FAM227B: variants seen among roughly 807,000 people sequenced by gnomAD.
FAM227B encodes family with sequence similarity 227 member B, also known as protein FAM227B.
FAM227B carries 88 observed loss-of-function variants against 73.8 expected under a neutral mutation model. That is an observed-to-expected ratio of 1.19 (90% CI 1.00 to 1.42). The LOEUF is 1.42. Ranked by LOEUF, FAM227B falls within the 40% of genes most tolerant of loss-of-function variation. The pLI is 0.00. For missense variants in FAM227B, 632 were observed against 590.9 expected (o/e 1.07, Z -0.72); for synonymous variants, 210 against 190.5 (o/e 1.10, Z -0.84).
At chr15:49,365,407 A>G (rs2044970805) in intron 13 of FAM227B, 1 of 1,075,394 alleles carries the variant, frequency 9.3e-7, no homozygotes, top group Non-Finnish European at 1.4e-6. Context: ...TCTAAACATC[A>G]ACTCTTCTAC....
At chr15:49,611,839 T>C (rs1157819511) in intron 2 of FAM227B, among the ~76,000 whole-genome samples, 1 of 152,156 alleles carries the variant, frequency 6.6e-6, no homozygotes, top group Non-Finnish European at 1.5e-5. Context: ...CATTCTTCCT[T>C]CTGCCCAGAA....
chr15:49,517,594 T>C (rs981097054), intron 10 of FAM227B, among the ~76,000 whole-genome samples: 1 of 152,156 alleles, frequency 6.6e-6, no homozygotes, highest in Non-Finnish European at 1.5e-5. Context: ...GAAAAATCTA[T>C]ACAAACATAT....
rs538796805 is a variant in FAM227B, at chr15:49,576,771, A to G, written c.516T>C (p.Tyr172=). The G allele has an allele frequency of 2.1e-5, 34 of 1,607,860 alleles. No homozygotes were observed. In the South Asian group the frequency reaches 3.0e-4, roughly 14 times the overall value. ...AATTATGGGCTTTTAAAATAAAAAG[A>G]TAAATTTGTTCAGCATCCAAATGTC... ...LPRHLDAEQI[Y]LFILKAHNFD... The change falls in exon 7 of 16, where the codon TAT becomes TAC. Residue 172 remains tyrosine, a synonymous_variant. Transcript: ENST00000299338.
At chr15:49,576,249 C>T (rs2075432462) in intron 7 of FAM227B, 2 of 152,654 alleles carry the variant, frequency 1.3e-5, no homozygotes, top group South Asian at 4.1e-4. Context: ...CCATCCCACC[C>T]TCATTTTAGC....
chr15:49,500,801 A>T (rs2058072744), intron 11 of FAM227B, among the ~76,000 whole-genome samples: 1 of 152,132 alleles, frequency 6.6e-6, no homozygotes, highest in African/African-American at 2.4e-5. Flanking sequence ...ATGGGGGCAG[A>T]TCCCTCAAGA....
intron 3 of FAM227B, among the ~76,000 whole-genome samples, chr15:49,591,568 C>G (rs1301061281): frequency 1.4e-5 from 2 of 148,090 alleles, no homozygotes; most frequent in African/African-American, 5.0e-5. Context: ...TCGCCACAAC[C>G]TCCGCCTCCA....
At chr15:49,430,625 GGCCTGCTTGC>G (rs2050524393) in intron 11 of FAM227B, among the ~76,000 whole-genome samples, 1 of 151,792 alleles carries the variant, frequency 6.6e-6, no homozygotes, top group African/African-American at 2.4e-5. Context: ...ATCTAGCAAG[GGCCTGCTTGC>G]TGTGTCATTC....
intron 13 of FAM227B, among the ~76,000 whole-genome samples, chr15:49,335,753 T>G (rs2039594856): frequency 6.6e-6 from 1 of 152,262 alleles, no homozygotes; most frequent in African/African-American, 2.4e-5. Context: ...ATAAATCCTG[T>G]AATTACCTTT....
intron 11 of FAM227B, among the ~76,000 whole-genome samples, chr15:49,493,172 T>A (rs1012755156): frequency 1.3e-5 from 2 of 152,022 alleles, no homozygotes; most frequent in African/African-American, 4.8e-5. Context: ...CCTATTTGTT[T>A]TTCTGTTCCA....
chr15:49,401,689 A>G (rs1257850429), intron 11 of FAM227B, among the ~76,000 whole-genome samples: 43 of 133,412 alleles, frequency 3.2e-4, no homozygotes, highest in African/African-American at 1.1e-3. Context: ...TGATGAGTTC[A>G]TGTCCTTTGT....
chr15:49,339,282 C>A (rs1442862362), intron 13 of FAM227B, among the ~76,000 whole-genome samples: 3 of 152,126 alleles, frequency 2.0e-5, no homozygotes, highest in Non-Finnish European at 4.4e-5. Context: ...GTACCTTTGG[C>A]CTTTGAAGTT....
chr15:49,489,861 T>A (rs1597539936), intron 11 of FAM227B, among the ~76,000 whole-genome samples: 1 of 4,316 alleles, frequency 2.3e-4, no homozygotes, highest in Non-Finnish European at 5.0e-4. Context: ...ATATATATTT[T>A]ATATATATAT....
intron 11 of FAM227B, among the ~76,000 whole-genome samples, chr15:49,390,517 C>T (rs1416510737): frequency 6.6e-6 from 1 of 152,076 alleles, no homozygotes; most frequent in Non-Finnish European, 1.5e-5. Context: ...TTGTCATTTA[C>T]TCTGCCTTGA....
chr15:49,374,868 A>G (rs1171357801), intron 11 of FAM227B, among the ~76,000 whole-genome samples: 2 of 152,094 alleles, frequency 1.3e-5, no homozygotes, highest in Non-Finnish European at 2.9e-5. Context: ...TTAATGTCTT[A>G]TTGTGTGTAT....
At chr15:49,594,260 T>A (rs2152418583) in intron 3 of FAM227B, among the ~76,000 whole-genome samples, 1 of 152,286 alleles carries the variant, frequency 6.6e-6, no homozygotes, top group African/African-American at 2.4e-5. Context: ...CTTAGCCCAC[T>A]TTTTGATGGA....
intron 11 of FAM227B, among the ~76,000 whole-genome samples, chr15:49,490,322 C>T (rs2056977609): frequency 6.6e-6 from 1 of 151,808 alleles, no homozygotes; most frequent in Non-Finnish European, 1.5e-5. Context: ...GTTCTCCCTC[C>T]CCCACCACAG....
chr15:49,581,640 G>T (rs915461715), intron 5 of FAM227B, among the ~76,000 whole-genome samples: 1 of 152,104 alleles, frequency 6.6e-6, no homozygotes, highest in Admixed American at 6.6e-5. Flanking sequence ...TTAAAGAAAA[G>T]AAATTCCAAC....
intron 11 of FAM227B, among the ~76,000 whole-genome samples, chr15:49,452,082 C>G (rs962189523): frequency 1.6e-4 from 24 of 151,868 alleles, no homozygotes; most frequent in African/African-American, 5.6e-4. Flanking sequence ...TGCTCTGTTG[C>G]CCAGGCTGGA....
intron 3 of FAM227B, among the ~76,000 whole-genome samples, chr15:49,595,652 G>C (rs887765295): frequency 6.6e-6 from 1 of 151,456 alleles, no homozygotes; most frequent in African/African-American, 2.4e-5. Flanking sequence ...ATCATAAAGG[G>C]ATGCTGAATT....
Sources: gnomAD v4.1 joint callset for allele counts (sites outside exome capture counted in the v4.1 genomes callset) on GRCh38, gnomAD v4.1.1 for gene constraint, MANE v1.5 for transcripts, NCBI Gene and HGNC (gene_info 2026-07-23, HGNC 2026-07-21) for gene names.